Variants in ZMYND8 observed in about 807,000 individuals in gnomAD.
ZMYND8 encodes MYND-type zinc finger-containing chromatin reader ZMYND8.
A neutral mutation model predicts 140.8 loss-of-function variants in ZMYND8; 37 were observed. The observed-to-expected ratio is 0.26, with a 90% CI of 0.20 to 0.35. ZMYND8 has a LOEUF of 0.35. Among genes scored for constraint, ZMYND8 ranks in the 10% least tolerant of loss-of-function variants. The probability of loss-of-function intolerance (pLI) is 1.00; values close to 1 mark genes in which losing one functional copy is unlikely to be tolerated. For missense variants in ZMYND8, 1,068 were observed against 1,570.0 expected (o/e 0.68, Z 5.40); for synonymous variants, 592 against 597.1 (o/e 0.99, Z 0.12).
Position 47,236,577 on chromosome 20 carries a change from G to A in ZMYND8, c.2666-61C>T, listed in dbSNP as rs150749575. On this transcript the variant is annotated intron_variant, in intron 15 of 22. Coordinates refer to ENST00000471951, the MANE Select transcript of ZMYND8 (RefSeq NM_001281775.3). ...GAAGGACCCATCCCAGCACAAAGCT[G>A]TGGTGTAGAAGCAAAGCCCCTAATA... The A allele has an allele frequency of 4.8e-4, 694 of 1,458,980 alleles. 6 individuals carry two copies. The African/African-American group carries it at 8.8e-3, about 18-fold the overall frequency. The allele number at this position is 1,458,980 out of a possible 1,614,324, so 90.4% of individuals were successfully genotyped here.
chr20:47,348,811 G>A (rs1006555528), intron 1 of ZMYND8: 1 of 152,012 alleles, frequency 6.6e-6, no homozygotes, highest in Non-Finnish European at 1.5e-5. Context: ...TAAACCAAAG[G>A]GAAAAAATAG....
In ZMYND8 at chr20:47,231,998, G is replaced by A. The variant is rs1432284535; in HGVS notation, c.2857-2192C>T. On this transcript the variant is annotated intron_variant, in intron 16 of 22. Coordinates refer to ENST00000471951, the MANE Select transcript of ZMYND8 (RefSeq NM_001281775.3). ...GCGTCTTCCACTCCAGGTCAACTCA[G>A]AGACAGGAAAAGTTCATCAGCTCCC... Among the ~76,000 whole-genome samples the A allele has an allele frequency of 2.0e-5, 3 of 152,214 alleles. No individual in the cohort carries two copies. The East Asian group carries it at 5.8e-4, about 29-fold the overall frequency.
intron 16 of ZMYND8, among the ~76,000 whole-genome samples, chr20:47,230,672 C>T (rs1460276558): frequency 6.6e-6 from 1 of 152,096 alleles, no homozygotes. Context: ...AAACCAGCAC[C>T]GCTTTATTGA....
chr20:47,282,045 TAACAG>T, intron 10 of ZMYND8, 52 bp downstream of exon 10: 1 of 1,412,444 alleles, frequency 7.1e-7, no homozygotes, highest in Non-Finnish European at 9.9e-7. Flanking sequence ...TCTTATCTCA[TAACAG>T]TATCAAAGTT....
rs10536216 is a variant in ZMYND8 at position 47,216,495 on chromosome 20, CAAAA to C, written c.3484+3759_3484+3762del. Among the ~76,000 whole-genome samples, 94 of 59,454 alleles carry C rather than the reference CAAAA, an allele frequency of 1.6e-3. 1 individual carries two copies. The highest frequency in any genetic ancestry group is 5.3e-3 in the African/African-American group (86 of 16,364). The allele number at this position is 59,454 out of a possible 152,430, so 39.0% of individuals were successfully genotyped here. A position where few individuals can be genotyped will look rare whatever the true frequency, so the allele number is the denominator to read the frequency against. On this transcript the variant is annotated intron_variant, in intron 21 of 22. Coordinates refer to ENST00000471951, the MANE Select transcript of ZMYND8 (RefSeq NM_001281775.3). ...GGACAACAGAGCGAAGACTCTGTCT[CAAAA>C]AAAAAAAAAAAAAAAAAAAGGGCCG...
intron 12 of ZMYND8, among the ~76,000 whole-genome samples, chr20:47,252,844 A>C (rs1224558682): frequency 6.6e-6 from 1 of 152,178 alleles, no homozygotes; most frequent in East Asian, 1.9e-4. Flanking sequence ...GCTTGAGCCC[A>C]GGAGGCAGAG....
chr20:47,228,681 A>G (rs943352957), intron 17 of ZMYND8, among the ~76,000 whole-genome samples: 16 of 152,168 alleles, frequency 1.1e-4, no homozygotes, highest in Admixed American at 1.3e-4. Context: ...TCTTCTGTTG[A>G]AGGGACCACC....
chr20:47,312,456 G>T (rs976738172), intron 2 of ZMYND8, among the ~76,000 whole-genome samples: 1 of 152,140 alleles, frequency 6.6e-6, no homozygotes, highest in East Asian at 1.9e-4. Flanking sequence ...CAGGTACCTT[G>T]AGGGTGAACA....
At chr20:47,293,107 G>C (rs1051280738) in intron 5 of ZMYND8, among the ~76,000 whole-genome samples, 34 of 88,960 alleles carry the variant, frequency 3.8e-4, no homozygotes, top group African/African-American at 2.0e-3. Context: ...GAGGGACGAG[G>C]AAAGAAGGAA....
chr20:47,285,907 T>C (rs906858427), intron 8 of ZMYND8: 1 of 918,058 alleles, frequency 1.1e-6, no homozygotes, highest in Non-Finnish European at 1.3e-6. Flanking sequence ...TATACAGACA[T>C]AAGCCGGGCT....
At chr20:47,338,090 A>G (rs1215651413) in intron 2 of ZMYND8, among the ~76,000 whole-genome samples, 1 of 152,136 alleles carries the variant, frequency 6.6e-6, no homozygotes, top group Admixed American at 6.6e-5. Flanking sequence ...TGCCAGGTTC[A>G]TAAGATGGTA....
chr20:47,268,443 G>A (rs1202873136), intron 11 of ZMYND8, among the ~76,000 whole-genome samples: 2 of 151,388 alleles, frequency 1.3e-5, no homozygotes, highest in South Asian at 2.1e-4. Context: ...ACAGGCGCCC[G>A]CCACCATGCC....
intron 2 of ZMYND8, among the ~76,000 whole-genome samples, chr20:47,344,347 G>A (rs961530615): frequency 1.3e-5 from 2 of 152,132 alleles, no homozygotes; most frequent in African/African-American, 4.8e-5. Flanking sequence ...TTTACCCTCT[G>A]TAGTCTTCTT....
At chr20:47,242,197 G>T (rs796259277) in intron 14 of ZMYND8, among the ~76,000 whole-genome samples, 1 of 152,182 alleles carries the variant, frequency 6.6e-6, no homozygotes, top group South Asian at 2.1e-4. Flanking sequence ...CATTCAGTAA[G>T]CTGTGGGTTT....
intron 16 of ZMYND8, among the ~76,000 whole-genome samples, chr20:47,230,374 C>T (rs1356688267): frequency 6.6e-6 from 1 of 151,872 alleles, no homozygotes. Context: ...TCACTGCTAC[C>T]TCCGCCTCCA....
chr20:47,215,735 C>G (rs1300360257), intron 21 of ZMYND8, among the ~76,000 whole-genome samples: 2 of 152,164 alleles, frequency 1.3e-5, no homozygotes, highest in African/African-American at 4.8e-5. Context: ...AGGTCTTAAG[C>G]TATGCCATTC....
chr20:47,249,552 A>G, intron 12 of ZMYND8, 113 bp from the exon 13 acceptor site: 2 of 1,434,170 alleles, frequency 1.4e-6, no homozygotes, highest in Non-Finnish European at 9.4e-7. Flanking sequence ...GGGGAGGGGG[A>G]GATACTTTTT....
Position 47,239,027 on chromosome 20 carries a change from G to C in ZMYND8, c.2396C>G (p.Thr799Ser), listed in dbSNP as rs2039614732. 1 of 1,591,276 alleles carries C rather than the reference G, an allele frequency of 6.3e-7. No homozygotes were observed. The highest frequency in any genetic ancestry group is 8.6e-7 in the Non-Finnish European group (1 of 1,165,706). The change falls in exon 15 of 23, where the codon ACC becomes AGC. Residue 799 changes from threonine (T) to serine (S), a missense_variant. This residue lies in a region of ZMYND8 where 383 missense variants were observed against 431.2 expected (regional missense o/e 0.89). Coordinates refer to ENST00000471951, the MANE Select transcript of ZMYND8 (RefSeq NM_001281775.3). ...GACGGTGACCGTGGAGGACGTGCTGGTGGTGGCTGTGGCGCCAGCCGCGGA... is the reference window on the plus strand; with the variant it reads ...GACGGTGACCGTGGAGGACGTGCTGCTGGTGGCTGTGGCGCCAGCCGCGGA... Reference protein sequence around the residue: ...QTSAAGATATTSTSSTVTVTA... With the variant: ...QTSAAGATATSSTSSTVTVTA...
At chr20:47,318,380 G>A (rs371485469) in intron 2 of ZMYND8, 12 of 316,000 alleles carry the variant, frequency 3.8e-5, no homozygotes, top group South Asian at 2.4e-4. Flanking sequence ...ACTTCAAAGC[G>A]TTTCCCAAAG....
Sources: allele counts gnomAD v4.1 joint callset (sites outside exome capture counted in the v4.1 genomes callset), GRCh38; gene constraint gnomAD v4.1.1; regional missense constraint gnomAD v4.1.1; transcripts MANE v1.5; gene names NCBI Gene and HGNC (gene_info 2026-07-23, HGNC 2026-07-21).